Variants in ABCC1 observed in about 807,000 individuals in gnomAD.
ABCC1 encodes the protein multidrug resistance-associated protein 1.
In ABCC1, 83 loss-of-function variants were observed where a neutral mutation model predicts 172.9. That is an observed-to-expected ratio of 0.48 (90% CI 0.40 to 0.58). ABCC1 has a LOEUF of 0.58. Ranked by LOEUF, ABCC1 falls within the 20% of genes least tolerant of loss-of-function variation. ABCC1 has a pLI of 0.00. For missense variants in ABCC1, 1,817 were observed against 2,002.7 expected (o/e 0.91, Z 1.77); for synonymous variants, 937 against 825.2 (o/e 1.14, Z -2.32).
intron 27 of ABCC1, among the ~76,000 whole-genome samples, chr16:16,132,700 T>C (rs1458265134): frequency 6.6e-6 from 1 of 151,312 alleles, no homozygotes; most frequent in African/African-American, 2.4e-5. Flanking sequence ...TTTTGTGTTA[T>C]TAGTAGAGAT....
In ABCC1 at chr16:16,003,729, G is replaced by C. The variant is rs557572809; in HGVS notation, c.49-4087G>C. On this transcript the variant is annotated intron_variant, in intron 1 of 30. Coordinates refer to ENST00000399410, the MANE Select transcript of ABCC1 (RefSeq NM_004996.4). ...GTGGGTAGGGTGGATGGGTGAATTG[G>C]TGGATGGGTAGGTGGATGTATAAAT... Among the ~76,000 whole-genome samples the C allele has an allele frequency of 2.3e-4, 25 of 108,284 alleles. 2 individuals carry two copies. The South Asian group carries it at 7.9e-3, about 34-fold the overall frequency. 71.0% of individuals were successfully genotyped at this position (108,284 alleles called of 152,430 possible).
chr16:16,090,110 C>T (rs1198334724), intron 18 of ABCC1, among the ~76,000 whole-genome samples: 1 of 152,176 alleles, frequency 6.6e-6, no homozygotes, highest in East Asian at 1.9e-4. Flanking sequence ...TACTAGTGTT[C>T]GTTTCTCCTG....
intron 5 of ABCC1, among the ~76,000 whole-genome samples, chr16:16,028,046 G>C (rs917117693): frequency 2.6e-4 from 39 of 152,122 alleles, no homozygotes; most frequent in Admixed American, 1.3e-3. Flanking sequence ...AGCCGTGCCA[G>C]CTAGCCCCGT....
intron 4 of ABCC1, among the ~76,000 whole-genome samples, 192 bp downstream of exon 4, chr16:16,014,820 A>G (rs949567198): frequency 7.2e-5 from 11 of 152,038 alleles, no homozygotes; most frequent in African/African-American, 2.7e-4. Flanking sequence ...CCTTTTTTCT[A>G]GCACCTCCTT....
At chr16:16,036,438 C>G (rs756032851) in intron 6 of ABCC1, 34 bp from the exon 7 acceptor site, 4 of 1,596,848 alleles carry the variant, frequency 2.5e-6, no homozygotes, top group Non-Finnish European at 3.4e-6. Flanking sequence ...GTCATTGACT[C>G]TCATTGCCTA....
At chr16:16,018,805 G>GAATA (rs1555483651) in intron 5 of ABCC1, among the ~76,000 whole-genome samples, 31 of 118,802 alleles carry the variant, frequency 2.6e-4, no homozygotes, top group African/African-American at 5.2e-4. Flanking sequence ...GTGTGTGTTT[G>GAATA]TGTGTGTGTG....
chr16:16,086,696 TG>T, intron 17 of ABCC1, 127 bp from the exon 18 acceptor site: 1 of 959,698 alleles, frequency 1.0e-6, no homozygotes, highest in Non-Finnish European at 1.6e-6. Flanking sequence ...CTCAAACCCC[TG>T]GTCTCAAGCA....
chr16:16,025,475 G>A (rs2048338066), intron 5 of ABCC1, among the ~76,000 whole-genome samples: 1 of 152,208 alleles, frequency 6.6e-6, no homozygotes, highest in African/African-American at 2.4e-5. Flanking sequence ...TGCGTTTGAG[G>A]ATCACTGCTC....
intron 9 of ABCC1, among the ~76,000 whole-genome samples, chr16:16,046,454 T>G (rs928000186): frequency 8.5e-5 from 13 of 152,078 alleles, no homozygotes; most frequent in Non-Finnish European, 1.8e-4. Context: ...AAGCGATTCT[T>G]CTGCCTCAGC....
chr16:16,102,324 T>G (rs1383358387), intron 19 of ABCC1, among the ~76,000 whole-genome samples: 1 of 152,244 alleles, frequency 6.6e-6, no homozygotes, highest in Non-Finnish European at 1.5e-5. Context: ...TTTTCTGGGC[T>G]GGGTTTTACC....
chr16:16,052,609 C>A (rs1946444757), intron 10 of ABCC1, 115 bp from the exon 11 acceptor site: 9 of 905,582 alleles, frequency 9.9e-6, no homozygotes, highest in South Asian at 1.5e-5. Context: ...AGTAACACAC[C>A]TTGCCCTGAA....
intron 20 of ABCC1, 80 bp from the exon 21 acceptor site, chr16:16,106,658 A>T: frequency 6.3e-7 from 1 of 1,580,148 alleles, no homozygotes; most frequent in Non-Finnish European, 8.7e-7. Context: ...TCAGACCCAC[A>T]ATAGCAGTCC....
intron 14 of ABCC1, among the ~76,000 whole-genome samples, chr16:16,075,506 C>T (rs1386236636): frequency 6.6e-6 from 1 of 152,012 alleles, no homozygotes; most frequent in Admixed American, 6.6e-5. Flanking sequence ...GGTGCACATC[C>T]TGTAGTCCCA....
At chr16:15,991,172 G>C (rs1351399712) in intron 1 of ABCC1, among the ~76,000 whole-genome samples, 1 of 152,084 alleles carries the variant, frequency 6.6e-6, no homozygotes, top group Non-Finnish European at 1.5e-5. Context: ...TAGTTCAGCA[G>C]TGCTAGTGCC....
intron 19 of ABCC1, chr16:16,099,030 G>A (rs1211001904): frequency 5.0e-6 from 4 of 805,222 alleles, no homozygotes; most frequent in Admixed American, 2.0e-5. Flanking sequence ...GTTGTTCATT[G>A]GTTCATTTAG....
chr16:15,957,317 C>G (rs1442356685), intron 1 of ABCC1, among the ~76,000 whole-genome samples: 1 of 145,826 alleles, frequency 6.9e-6, no homozygotes, highest in African/African-American at 2.6e-5. Flanking sequence ...AACTCCTGAA[C>G]TCAGGCGATC....
chr16:16,076,142 C>A (rs1482081953), intron 14 of ABCC1, 184 bp from the exon 15 acceptor site: 6 of 592,868 alleles, frequency 1.0e-5, no homozygotes, highest in Middle Eastern at 2.8e-4. Flanking sequence ...TCTGGGGCTG[C>A]CTCCAGAACT....
intron 3 of ABCC1, among the ~76,000 whole-genome samples, chr16:16,011,687 C>T (rs117273737): frequency 4.0e-5 from 6 of 151,784 alleles, no homozygotes; most frequent in South Asian, 2.1e-4. Context: ...TTTTTCCCCC[C>T]GAGATGGAGT....
At chr16:15,978,818 C>T (rs2046552188) in intron 1 of ABCC1, among the ~76,000 whole-genome samples, 1 of 152,028 alleles carries the variant, frequency 6.6e-6, no homozygotes, top group Non-Finnish European at 1.5e-5. Context: ...TTTGTTGTCA[C>T]AGTTTGGGAT....
Sources: allele counts gnomAD v4.1 joint callset (sites outside exome capture counted in the v4.1 genomes callset), GRCh38; gene constraint gnomAD v4.1.1; transcripts MANE v1.5; gene names NCBI Gene and HGNC (gene_info 2026-07-23, HGNC 2026-07-21).